The following PCNX1 variants were observed in gnomAD, a reference collection of about 807,000 sequenced individuals.
PCNX1 encodes pecanex 1.
In PCNX1, 78 loss-of-function variants were observed where a neutral mutation model predicts 242.2. The observed-to-expected ratio is 0.32, with a 90% CI of 0.27 to 0.39. The LOEUF (loss-of-function observed/expected upper bound fraction) is 0.39, where lower values mean the gene tolerates loss of function less well. Among genes scored for constraint, PCNX1 ranks in the 10% least tolerant of loss-of-function variants. The pLI is 1.00. For missense variants in PCNX1, 2,581 were observed against 2,856.5 expected, an observed-to-expected ratio of 0.90 and a Z score of 2.20; for synonymous variants, 1,024 against 1,032.9, an observed-to-expected ratio of 0.99 and a Z score of 0.17.
intron 19 of PCNX1, among the ~76,000 whole-genome samples, chr14:71,041,675 ATTT>A (rs1289503267): frequency 1.3e-5 from 2 of 151,802 alleles, no homozygotes; most frequent in Non-Finnish European, 2.9e-5. Flanking sequence ...TTGTTTGTTC[ATTT>A]TAATTTCGTT....
intron 1 of PCNX1, among the ~76,000 whole-genome samples, chr14:70,942,523 C>T (rs1308128651): frequency 3.3e-5 from 5 of 152,196 alleles, no homozygotes; most frequent in South Asian, 2.1e-4. Flanking sequence ...CCAATTTCTG[C>T]AGCAGGTGCT....
intron 3 of PCNX1, among the ~76,000 whole-genome samples, chr14:70,965,640 G>A (rs1429361620): frequency 2.3e-5 from 3 of 131,122 alleles, no homozygotes; most frequent in Non-Finnish European, 4.6e-5. Context: ...TCCAGCCTGG[G>A]CAACAGAGTG....
chr14:71,086,615 C>G (rs1336286031), intron 28 of PCNX1, among the ~76,000 whole-genome samples: 1 of 152,176 alleles, frequency 6.6e-6, no homozygotes, highest in Non-Finnish European at 1.5e-5. Flanking sequence ...TTTCGCTGTT[C>G]CTTTGTATTC....
chr14:71,057,902 G>A (rs1165949167), intron 26 of PCNX1, among the ~76,000 whole-genome samples, 178 bp downstream of exon 26: 1 of 152,162 alleles, frequency 6.6e-6, no homozygotes, highest in Non-Finnish European at 1.5e-5. Context: ...ATTCCAAGAA[G>A]AATCATGTTT....
In PCNX1 at chr14:71,012,816, C is replaced by T. The variant is rs1358213231; in HGVS notation, c.2779-169C>T. ...CACTGTACTTCAGACAAGACTCTGT[C>T]TCAAAAAAAAAAAAAAAAAAAAGTG... On this transcript the variant is annotated intron_variant, in intron 10 of 35. Transcript: ENST00000304743. The T allele has an allele frequency of 1.0e-5, 5 of 480,826 alleles. No homozygotes were observed. The South Asian group carries it at 1.1e-4, about 11-fold the overall frequency. 29.8% of individuals were successfully genotyped at this position (480,826 alleles called of 1,614,324 possible). A position where few individuals can be genotyped will look rare whatever the true frequency, so the allele number is the denominator to read the frequency against.
At chr14:71,094,530 G>T (rs1434288165) in intron 30 of PCNX1, among the ~76,000 whole-genome samples, 1 of 152,162 alleles carries the variant, frequency 6.6e-6, no homozygotes, top group Non-Finnish European at 1.5e-5. Context: ...AGTCTTTGAT[G>T]ATGTACTTTT....
At chr14:71,005,177 A>G (rs898075099) in intron 8 of PCNX1, among the ~76,000 whole-genome samples, 2 of 152,172 alleles carry the variant, frequency 1.3e-5, no homozygotes, top group African/African-American at 4.8e-5. Context: ...TCCAAGATAC[A>G]TATAGGTAAC....
chr14:71,001,230 C>T (rs937572687), intron 8 of PCNX1, among the ~76,000 whole-genome samples: 1 of 152,094 alleles, frequency 6.6e-6, no homozygotes, highest in Non-Finnish European at 1.5e-5. Context: ...GCTGAATGTC[C>T]ATTACATAAG....
intron 26 of PCNX1, among the ~76,000 whole-genome samples, chr14:71,062,390 TA>T (rs895858559): frequency 6.6e-6 from 1 of 151,862 alleles, no homozygotes; most frequent in Non-Finnish European, 1.5e-5. Flanking sequence ...GCTTAAAAAG[TA>T]AAAAAATTTT....
intron 2 of PCNX1, among the ~76,000 whole-genome samples, chr14:70,959,404 A>G (rs1164830479): frequency 9.0e-6 from 1 of 110,604 alleles, no homozygotes; most frequent in East Asian, 2.9e-4. Flanking sequence ...AACAGTCCCC[A>G]GAGTGTGATG....
chr14:70,948,728 C>T (rs1474354315), intron 2 of PCNX1, among the ~76,000 whole-genome samples: 2 of 146,934 alleles, frequency 1.4e-5, no homozygotes, highest in African/African-American at 2.5e-5. Context: ...AGTGTATATA[C>T]ATATATATGT....
chr14:70,920,890 A>G (rs910947689), intron 1 of PCNX1, among the ~76,000 whole-genome samples: 7 of 152,160 alleles, frequency 4.6e-5, no homozygotes, highest in Non-Finnish European at 1.0e-4. Flanking sequence ...GTGCTGTGGT[A>G]GGCCTTATGG....
chr14:71,034,582 A>G (rs1323095122), intron 18 of PCNX1, among the ~76,000 whole-genome samples: 1 of 152,162 alleles, frequency 6.6e-6, no homozygotes, highest in African/African-American at 2.4e-5. Flanking sequence ...TGTTGCTTGT[A>G]TTCTTTTAGT....
At chr14:71,033,037 T>C (rs1044929944) in intron 16 of PCNX1, among the ~76,000 whole-genome samples, 1 of 152,238 alleles carries the variant, frequency 6.6e-6, no homozygotes, top group South Asian at 2.1e-4. Flanking sequence ...CTTTTCCTAC[T>C]CTTATTATTG....
intron 1 of PCNX1, among the ~76,000 whole-genome samples, chr14:70,909,209 T>C (rs914014343): frequency 6.6e-6 from 1 of 152,082 alleles, no homozygotes; most frequent in African/African-American, 2.4e-5. Flanking sequence ...ATGTGCACAT[T>C]CTCAAGCAGA....
chr14:71,095,726 A>G (rs2062257910), intron 30 of PCNX1, among the ~76,000 whole-genome samples: 1 of 152,184 alleles, frequency 6.6e-6, no homozygotes, highest in South Asian at 2.1e-4. Flanking sequence ...CCAAATCACC[A>G]CATACAGAGG....
At chr14:71,059,481 T>C (rs1422625883) in intron 26 of PCNX1, among the ~76,000 whole-genome samples, 1 of 152,030 alleles carries the variant, frequency 6.6e-6, no homozygotes, top group African/African-American at 2.4e-5. Context: ...ACTCCTGGGC[T>C]CAAGGGATCC....
At chr14:70,917,803 CT>C (rs1023444070) in intron 1 of PCNX1, among the ~76,000 whole-genome samples, 3 of 152,180 alleles carry the variant, frequency 2.0e-5, no homozygotes, top group Non-Finnish European at 2.9e-5. Context: ...ACTTAACCTT[CT>C]CTGGCTATGA....
intron 28 of PCNX1, chr14:71,085,365 C>T (rs1019266238): frequency 6.6e-6 from 1 of 152,164 alleles, no homozygotes; most frequent in African/African-American, 2.4e-5. Flanking sequence ...TAATTTTTTT[C>T]AGATTTGGAA....
Sources: allele counts gnomAD v4.1 joint callset (sites outside exome capture counted in the v4.1 genomes callset), GRCh38; gene constraint gnomAD v4.1.1; transcripts MANE v1.5; gene names NCBI Gene and HGNC (gene_info 2026-07-23, HGNC 2026-07-21).